The following ATP2A2 variants were observed in gnomAD, a reference collection of about 807,000 sequenced individuals.
ATP2A2 encodes ATPase sarcoplasmic/endoplasmic reticulum Ca2+ transporting 2.
ATP2A2 carries 14 observed loss-of-function variants against 109.3 expected under a neutral mutation model. The observed-to-expected ratio is 0.13, with a 90% CI of 0.08 to 0.20. The LOEUF (loss-of-function observed/expected upper bound fraction) is 0.20, where lower values mean the gene tolerates loss of function less well. ATP2A2 is among the 10% of genes least tolerant of loss of function. The probability of loss-of-function intolerance (pLI) is 1.00; values close to 1 mark genes in which losing one functional copy is unlikely to be tolerated. For synonymous variants in ATP2A2, 506 were observed against 490.9 expected, an observed-to-expected ratio of 1.03 and a Z score of -0.41; for missense variants, 657 against 1,321.6, an observed-to-expected ratio of 0.50 and a Z score of 7.80.
chr12:110,284,870 A>T (rs183610090), intron 3 of ATP2A2, among the ~76,000 whole-genome samples: 2 of 152,154 alleles, frequency 1.3e-5, no homozygotes, highest in Non-Finnish European at 2.9e-5. Flanking sequence ...GGAATTGCAG[A>T]TATAAGACCT....
rs1879176532 is a variant in ATP2A2, at chr12:110,339,789, A to C, written c.1761+68A>C. ...CATTGTGTTTAAACAGTACTCCTTC[A>C]AGCAAAAGGTCAAACAGTTCTCACT... is the stretch of plus-strand genomic sequence containing the variant. On this transcript the variant is annotated intron_variant, in intron 13 of 19. Transcript: ENST00000539276. The surrounding 1 kb of genome is among the most constrained non-coding windows in gnomAD (Gnocchi z 4.4). 6 of 1,510,848 alleles carry C rather than the reference A, an allele frequency of 4.0e-6. No homozygotes were observed. Among genetic ancestry groups the C allele is most frequent in the Non-Finnish European group, 4.6e-6 (5 of 1,092,572 alleles). 93.6% of individuals were successfully genotyped at this position (1,510,848 alleles called of 1,614,324 possible).
intron 16 of ATP2A2, 120 bp from the exon 17 acceptor site, chr12:110,344,766 C>A: frequency 1.0e-6 from 1 of 971,830 alleles, no homozygotes; most frequent in Non-Finnish European, 1.6e-6. Context: ...CCACAGGCCC[C>A]GGTTACCATC....
At chr12:110,300,996 A>T (rs758445997) in intron 5 of ATP2A2, among the ~76,000 whole-genome samples, 12 of 152,090 alleles carry the variant, frequency 7.9e-5, no homozygotes, top group Non-Finnish European at 1.2e-4. Context: ...ATTCTGTTTG[A>T]TTTTATGCTT....
rs1256488308 is a variant in ATP2A2 at position 110,346,082 on chromosome 12, A to C, written c.2823A>C (p.Ser941=). ...TGGGCTCCATCTGCCTGTCCATGTCACTCCACTTCCTGATCCTCTATGTCG... is the reference window on the plus strand; with the variant it reads ...TGGGCTCCATCTGCCTGTCCATGTCCCTCCACTTCCTGATCCTCTATGTCG... ...WLVGSICLSM[S]LHFLILYVEP... is the part of the protein sequence containing the mutation. The change falls in exon 19 of 20, where the codon TCA becomes TCC. Residue 941 remains serine (S), a synonymous_variant. Coordinates refer to ENST00000539276, the MANE Select transcript of ATP2A2 (RefSeq NM_170665.4). The C allele has an allele frequency of 5.0e-6, 8 of 1,613,222 alleles. No homozygotes were observed. The highest frequency in any genetic ancestry group is 5.9e-6 in the Non-Finnish European group (7 of 1,179,876).
At position 110,327,149 on chromosome 12, in the gene ATP2A2, G is replaced by A. The variant is rs187443477; in HGVS notation, c.631-404G>A. Among the ~76,000 whole-genome samples the A allele has an allele frequency of 6.6e-6, 1 of 152,310 alleles. No individual in the cohort carries two copies. Among genetic ancestry groups the A allele is most frequent in the East Asian group, 1.9e-4 (1 of 5,188 alleles). On this transcript the variant is annotated intron_variant, in intron 7 of 19. Transcript: ENST00000539276. The surrounding 1 kb of genome is among the most constrained non-coding windows in gnomAD (Gnocchi z 4.4). ...GTTTTTGGACCCTGTCACATGAGTAGGGGTTGTCAAGATAGCCCATGGGGC... is the reference window on the plus strand; with the variant it reads ...GTTTTTGGACCCTGTCACATGAGTAAGGGTTGTCAAGATAGCCCATGGGGC...
In ATP2A2 at chr12:110,282,088, C is replaced by A. The variant is rs190922022; in HGVS notation, c.118+181C>A. On this transcript the variant is annotated intron_variant, in intron 1 of 19. Coordinates refer to ENST00000539276, the MANE Select transcript of ATP2A2 (RefSeq NM_170665.4). ...GGGCTGCGGTCCTCGCCTCGCCTTCCCTGGACCTCTTCGCTTCTCGGGCCC... is the reference window on the plus strand; with the variant it reads ...GGGCTGCGGTCCTCGCCTCGCCTTCACTGGACCTCTTCGCTTCTCGGGCCC... Among the ~76,000 whole-genome samples the A allele has an allele frequency of 2.1e-4, 32 of 152,240 alleles. No individual in the cohort carries two copies. The East Asian group carries it at 2.9e-3, about 14-fold the overall frequency.
intron 11 of ATP2A2, among the ~76,000 whole-genome samples, chr12:110,337,331 A>G (rs531513564): frequency 8.5e-5 from 13 of 152,320 alleles, no homozygotes; most frequent in Admixed American, 4.6e-4. Flanking sequence ...TGGCCAGCCT[A>G]GTACTGAAAG....
rs142934831 is a variant in ATP2A2 at position 110,334,060 on chromosome 12, A to G, written c.1336A>G (p.Thr446Ala). Residue 446 changes from threonine to alanine, a missense_variant, in exon 11 of 20, where the codon ACT becomes GCT. Physicochemically the swap from Thr to Ala is moderately conservative, Grantham distance 58 (BLOSUM62 0). Transcript: ENST00000539276. ...TGGAGAAGCTACAGAGACTGCTCTC[A>G]CTTGCCTAGTAGAGAAGATGAATGT... is the stretch of plus-strand genomic sequence containing the variant. ...KVGEATETAL[T>A]CLVEKMNVFD... The G allele has an allele frequency of 7.4e-6, 12 of 1,614,038 alleles. No individual in the cohort carries two copies. Among genetic ancestry groups the G allele is most frequent in the African/African-American group, 4.0e-5 (3 of 74,926 alleles).
chr12:110,318,774 T>A (rs1876934654), intron 5 of ATP2A2, among the ~76,000 whole-genome samples: 3 of 152,236 alleles, frequency 2.0e-5, no homozygotes, highest in Non-Finnish European at 4.4e-5. Context: ...GTGCCCAGTC[T>A]ATGGCAGGTT....
chr12:110,286,662 T>C (rs921880615), intron 3 of ATP2A2, among the ~76,000 whole-genome samples: 2 of 151,806 alleles, frequency 1.3e-5, no homozygotes, highest in Non-Finnish European at 2.9e-5. Context: ...ATTCTCTGTA[T>C]CATTCTCGAA....
chr12:110,293,379 TTTTTTTTTTG>T (rs1566203447), intron 4 of ATP2A2, among the ~76,000 whole-genome samples: 2 of 123,112 alleles, frequency 1.6e-5, no homozygotes, highest in East Asian at 2.2e-4. Context: ...TTTTTTTTTT[TTTTTTTTTTG>T]TTTGTTTGTT....
intron 8 of ATP2A2, chr12:110,331,963 A>G (rs1878384804): frequency 6.6e-6 from 1 of 152,444 alleles, no homozygotes; most frequent in African/African-American, 2.4e-5. Context: ...TTCCATCTGT[A>G]TTGTCTAGGG....
At chr12:110,334,292 G>T in intron 11 of ATP2A2, 149 bp downstream of exon 11, 1 of 985,252 alleles carries the variant, frequency 1.0e-6, no homozygotes, top group Non-Finnish European at 1.6e-6. Context: ...TCACTCTCAG[G>T]TAAGATGCTC....
chr12:110,285,959 T>C (rs1016800387), intron 3 of ATP2A2, among the ~76,000 whole-genome samples: 3 of 151,390 alleles, frequency 2.0e-5, no homozygotes, highest in Non-Finnish European at 2.9e-5. Flanking sequence ...GTCTCACTCT[T>C]GTTGCCCGGG....
In ATP2A2 at chr12:110,342,517, C is replaced by A; in HGVS notation, c.2318+69C>A. Reference sequence around the variant, plus strand: ...AATGGGTCATGGAGCCCAGTTCTCGCAGTTTGCTCTCCAGATTGCAGCAGC... The same window carrying A: ...AATGGGTCATGGAGCCCAGTTCTCGAAGTTTGCTCTCCAGATTGCAGCAGC... On this transcript the variant is annotated intron_variant, in intron 15 of 19. Transcript: ENST00000539276. The surrounding 1 kb of genome is among the most constrained non-coding windows in gnomAD (Gnocchi z 4.6). The A allele has an allele frequency of 6.5e-7, 1 of 1,528,768 alleles. No individual in the cohort carries two copies. The highest frequency in any genetic ancestry group is 9.0e-7 in the Non-Finnish European group (1 of 1,114,674). 94.7% of individuals were successfully genotyped at this position (1,528,768 alleles called of 1,614,324 possible).
intron 5 of ATP2A2, among the ~76,000 whole-genome samples, chr12:110,311,181 AGAG>A (rs1875994152): frequency 6.6e-6 from 1 of 152,216 alleles, no homozygotes. Flanking sequence ...AACACAAAAC[AGAG>A]TAGTCAGTCT....
intron 5 of ATP2A2, among the ~76,000 whole-genome samples, chr12:110,307,708 G>C (rs933193780): frequency 6.6e-6 from 1 of 152,174 alleles, no homozygotes; most frequent in Non-Finnish European, 1.5e-5. Flanking sequence ...GTGTGTGTTT[G>C]TGTGTGGATT....
At chr12:110,306,481 C>T (rs1170630068) in intron 5 of ATP2A2, among the ~76,000 whole-genome samples, 2 of 152,092 alleles carry the variant, frequency 1.3e-5, no homozygotes, top group African/African-American at 2.4e-5. Flanking sequence ...GAGTATAGTA[C>T]TTCACAGATA....
chr12:110,296,927 T>C (rs143471961), intron 5 of ATP2A2, among the ~76,000 whole-genome samples, 190 bp downstream of exon 5: 36 of 152,356 alleles, frequency 2.4e-4, no homozygotes, highest in Non-Finnish European at 4.6e-4. Context: ...TTCCTGTCAT[T>C]GATAAGGCTT....
Sources: allele counts gnomAD v4.1 joint callset (sites outside exome capture counted in the v4.1 genomes callset), GRCh38; gene constraint gnomAD v4.1.1; non-coding constraint Gnocchi (gnomAD v3.1); transcripts MANE v1.5; gene names NCBI Gene and HGNC (gene_info 2026-07-23, HGNC 2026-07-21).